Variants in MRPL21 observed in about 807,000 individuals in gnomAD.
MRPL21 encodes the protein large ribosomal subunit protein bL21m.
MRPL21 carries 20 observed loss-of-function variants against 27.3 expected under a neutral mutation model. The observed-to-expected ratio is 0.73, with a 90% CI of 0.52 to 1.06. MRPL21 has a LOEUF of 1.06. Ranked by LOEUF, MRPL21 falls within the 50% of genes least tolerant of loss-of-function variation. MRPL21 has a pLI of 0.00. For missense variants in MRPL21, 249 were observed against 251.4 expected (o/e 0.99, Z 0.06); for synonymous variants, 98 against 101.5 (o/e 0.97, Z 0.21).
chr11:68,891,475 C>G, intron 6 of MRPL21, 80 bp from the exon 7 acceptor site: 1 of 1,447,018 alleles, frequency 6.9e-7, no homozygotes, highest in Non-Finnish European at 9.7e-7. Flanking sequence ...GCACACAGCC[C>G]TCCCCAGCCA....
chr11:68,900,907 T>C (rs1857918644), intron 1 of MRPL21, among the ~76,000 whole-genome samples: 1 of 152,232 alleles, frequency 6.6e-6, no homozygotes, highest in African/African-American at 2.4e-5. Flanking sequence ...TGCCCAAGCG[T>C]GGGAGCAGCC....
intron 1 of MRPL21, among the ~76,000 whole-genome samples, chr11:68,902,280 G>A (rs1354828335): frequency 1.3e-5 from 2 of 152,216 alleles, no homozygotes; most frequent in African/African-American, 4.8e-5. Context: ...AGGTAGAATG[G>A]AGTAAGTCCC....
At chr11:68,893,724 G>A (rs568761546) in intron 4 of MRPL21, among the ~76,000 whole-genome samples, 1 of 152,308 alleles carries the variant, frequency 6.6e-6, no homozygotes, top group South Asian at 2.1e-4. Context: ...TAGATACCAT[G>A]GATATGCATC....
chr11:68,896,457 G>C, intron 4 of MRPL21, 58 bp downstream of exon 4: 1 of 1,592,768 alleles, frequency 6.3e-7, no homozygotes, highest in Non-Finnish European at 8.6e-7. Context: ...CTGGGGCGTG[G>C]AGATTACATA....
chr11:68,892,744 G>A (rs1215102812), intron 6 of MRPL21, 146 bp downstream of exon 6: 4 of 1,538,484 alleles, frequency 2.6e-6, no homozygotes, highest in Middle Eastern at 1.7e-4. Flanking sequence ...CCTCTAGGAT[G>A]AGGGTGGCAA....
intron 6 of MRPL21, chr11:68,892,671 G>T: frequency 6.7e-7 from 1 of 1,494,798 alleles, no homozygotes; most frequent in Non-Finnish European, 8.9e-7. Flanking sequence ...GAAGGGGAGC[G>T]AGGTGGGGTC....
intron 4 of MRPL21, among the ~76,000 whole-genome samples, chr11:68,894,528 C>T (rs753926416): frequency 6.6e-6 from 1 of 152,142 alleles, no homozygotes; most frequent in Non-Finnish European, 1.5e-5. Context: ...GTGATCTGCC[C>T]GCCTCGGCTT....
intron 2 of MRPL21, among the ~76,000 whole-genome samples, chr11:68,900,234 T>C (rs1245651530): frequency 6.6e-6 from 1 of 152,208 alleles, no homozygotes; most frequent in Non-Finnish European, 1.5e-5. Flanking sequence ...AGCAAACACA[T>C]ACAGAATTTC....
chr11:68,891,955 AGACCTGCTAG>A, intron 6 of MRPL21: 1 of 696,854 alleles, frequency 1.4e-6, no homozygotes, highest in Non-Finnish European at 2.1e-6. Context: ...TCCTCAGTGC[AGACCTGCTAG>A]GACAGCCCTA....
At chr11:68,896,204 A>G (rs965273337) in intron 4 of MRPL21, among the ~76,000 whole-genome samples, 14 of 152,204 alleles carry the variant, frequency 9.2e-5, no homozygotes, top group African/African-American at 3.4e-4. Context: ...TTCTATGGGA[A>G]TATACTAATA....
chr11:68,902,568 T>C (rs1857978649), intron 1 of MRPL21, among the ~76,000 whole-genome samples: 1 of 152,222 alleles, frequency 6.6e-6, no homozygotes, highest in Non-Finnish European at 1.5e-5. Flanking sequence ...ATGTCCCCTG[T>C]CCATGTGCCC....
At chr11:68,898,094 T>C (rs763045674) in intron 2 of MRPL21, 82 bp from the exon 3 acceptor site, 21 of 1,140,152 alleles carry the variant, frequency 1.8e-5, no homozygotes, top group Non-Finnish European at 2.8e-5. Context: ...CACACACAAA[T>C]GTTAGGAAGG....
intron 6 of MRPL21, 67 bp from the exon 7 acceptor site, chr11:68,891,462 T>C (rs1392938216): frequency 6.6e-6 from 10 of 1,522,212 alleles, no homozygotes; most frequent in African/African-American, 1.4e-5. Flanking sequence ...CAGCAGGGGC[T>C]CTGCACACAG....
In MRPL21 at chr11:68,903,812, G is replaced by GCCGCCGCCATCTTC. The variant is rs58747104; in HGVS notation, c.-3_-2insGAAGATGGCGGCGG. The GCCGCCGCCATCTTC allele has an allele frequency of 0.31, 496,278 of 1,611,806 alleles. 80,201 individuals carry two copies. Among genetic ancestry groups the GCCGCCGCCATCTTC allele is most frequent in the South Asian group, 0.49 (44,608 of 91,044 alleles). Reference sequence around the variant, plus strand: ...GACCGTCAGGGAAGATGCTGCCATGGCCGCAGCCTCGGCCGGAAACGGAAA... The same window carrying GCCGCCGCCATCTTC: ...GACCGTCAGGGAAGATGCTGCCATGGCCGCCGCCATCTTCCCGCAGCCTCGGCCGGAAACGGAAA... On this transcript the variant is annotated 5_prime_UTR_variant, in exon 1 of 7. The change creates a new upstream start codon in the 5' untranslated region. Coordinates refer to ENST00000362034, the MANE Select transcript of MRPL21 (RefSeq NM_181514.2).
intron 3 of MRPL21, 66 bp from the exon 4 acceptor site, chr11:68,896,744 G>A: frequency 6.3e-7 from 1 of 1,587,066 alleles, no homozygotes; most frequent in African/African-American, 1.3e-5. Context: ...GCAGTGTGAT[G>A]TGCAGCTCCT....
rs528356268 is a variant in MRPL21 at position 68,892,944 on chromosome 11, A to G, written c.499T>C (p.Trp167Arg). The change falls in exon 6 of 7, where the codon TGG becomes CGG. Residue 167 changes from tryptophan (W) to arginine (R), a missense_variant. Trp to Arg is a moderately radical substitution (Grantham distance 101). Coordinates refer to ENST00000362034, the MANE Select transcript of MRPL21 (RefSeq NM_181514.2). ...EATVIEKTES[W>R]PRIIMRFRKR... ...CTGAATCTCATAATGATTCTTGGCC[A>G]TGATTCTGTCTTTTCAATGACTGTG... 55 of 1,612,888 alleles carry G rather than the reference A, an allele frequency of 3.4e-5. No homozygotes were observed. The highest frequency in any genetic ancestry group is 2.1e-4 in the African/African-American group (16 of 75,002).
chr11:68,891,383 G>C lies in MRPL21; in HGVS notation c.566C>G (p.Pro189Arg). Reference sequence around the variant, plus strand: ...GCTGTTTATCCGGAGGACAGTCTGCGGGGTCGTGACGACTGAAAGAAAGGA... The same window carrying C: ...GCTGTTTATCCGGAGGACAGTCTGCCGGGTCGTGACGACTGAAAGAAAGGA... ...NFKKKRIVTTPQTVLRINSIE... is the reference protein window; with the variant it reads ...NFKKKRIVTTRQTVLRINSIE... The change falls in exon 7 of 7, where the codon CCG becomes CGG. Residue 189 changes from proline to arginine, a missense_variant. Transcript: ENST00000362034. 6.2e-7 allele frequency: 1 copy of C among 1,614,002 alleles called. No homozygotes were observed. The highest frequency in any genetic ancestry group is 8.5e-7 in the Non-Finnish European group (1 of 1,179,986).
intron 1 of MRPL21, among the ~76,000 whole-genome samples, chr11:68,902,775 TA>T (rs558684541): frequency 1.6e-3 from 247 of 152,312 alleles, no homozygotes; most frequent in African/African-American, 5.3e-3. Flanking sequence ...TTCACTGCCC[TA>T]AAAATCCTCT....
At chr11:68,891,940 G>A (rs1027588015) in intron 6 of MRPL21, 4 of 600,910 alleles carry the variant, frequency 6.7e-6, no homozygotes, top group South Asian at 5.0e-5. Context: ...CCACTATGGG[G>A]GATGTCCTCA....
Sources: allele counts gnomAD v4.1 joint callset (sites outside exome capture counted in the v4.1 genomes callset), GRCh38; gene constraint gnomAD v4.1.1; transcripts MANE v1.5; gene names NCBI Gene and HGNC (gene_info 2026-07-23, HGNC 2026-07-21).